The following CNOT2 variants were observed in gnomAD, a reference collection of about 807,000 sequenced individuals.
CNOT2 encodes CCR4-NOT transcription complex subunit 2, also known as CC chemokine receptor 4-negative regulator of transcription 2.
CNOT2 carries 7 observed loss-of-function variants against 72.1 expected under a neutral mutation model. The ratio of observed to expected loss-of-function variants is 0.10; its 90% CI spans 0.06 to 0.18. The LOEUF is 0.18. Ranked by LOEUF, CNOT2 falls within the 10% of genes least tolerant of loss-of-function variation. The pLI is 1.00. For synonymous variants in CNOT2, 196 were observed against 225.6 expected (o/e 0.87, Z 1.17); for missense variants, 345 against 660.3 (o/e 0.52, Z 5.23).
At chr12:70,352,948 G>A (rs1422303201) in intron 15 of CNOT2, among the ~76,000 whole-genome samples, 4 of 151,916 alleles carry the variant, frequency 2.6e-5, no homozygotes, top group African/African-American at 9.7e-5. Flanking sequence ...TCTAGTTTTC[G>A]GTGGCAGTTG....
chr12:70,352,216 AC>A (rs1161046794), intron 15 of CNOT2, among the ~76,000 whole-genome samples: 1 of 149,170 alleles, frequency 6.7e-6, no homozygotes. Context: ...GCTTTTTGTC[AC>A]ATGGGTCTGG....
intron 2 of CNOT2, among the ~76,000 whole-genome samples, chr12:70,296,695 T>G (rs1872851565): frequency 6.6e-6 from 1 of 151,944 alleles, no homozygotes; most frequent in Non-Finnish European, 1.5e-5. Context: ...ATTAATATCT[T>G]TGTTCTTTAA....
At chr12:70,306,999 GA>G (rs1430717234) in intron 2 of CNOT2, among the ~76,000 whole-genome samples, 2 of 152,138 alleles carry the variant, frequency 1.3e-5, no homozygotes, top group East Asian at 3.8e-4. Flanking sequence ...AGGGTACAGT[GA>G]AAATAAGATA....
chr12:70,337,201 T>C (rs1223972255), intron 8 of CNOT2, 188 bp from the exon 9 acceptor site: 1 of 474,120 alleles, frequency 2.1e-6, no homozygotes, highest in Non-Finnish European at 3.8e-6. Flanking sequence ...TATGTTGAGT[T>C]ATTAATCAGT....
At chr12:70,301,767 A>G (rs1417992390) in intron 2 of CNOT2, 10 of 152,110 alleles carry the variant, frequency 6.6e-5, no homozygotes, top group Non-Finnish European at 1.5e-4. Context: ...CTCTTTTTCT[A>G]TTTATTGGAA....
At chr12:70,309,240 T>TAATA (rs1289390068) in intron 2 of CNOT2, among the ~76,000 whole-genome samples, 1 of 152,292 alleles carries the variant, frequency 6.6e-6, no homozygotes, top group African/African-American at 2.4e-5. Flanking sequence ...ATTAAGTACC[T>TAATA]GTGTTCTAAT....
chr12:70,351,847 G>A (rs573462039), intron 15 of CNOT2, among the ~76,000 whole-genome samples: 82 of 152,280 alleles, frequency 5.4e-4, no homozygotes, highest in Non-Finnish European at 1.1e-3. Context: ...CTGGGAGAGG[G>A]GGAGTAGTGC....
At chr12:70,274,648 TAAAA>T (rs933020587) in intron 1 of CNOT2, among the ~76,000 whole-genome samples, 22 of 152,044 alleles carry the variant, frequency 1.4e-4, no homozygotes, top group African/African-American at 5.3e-4. Context: ...AAGAAAAAGT[TAAAA>T]AAGATTCATC....
At chr12:70,267,140 T>G (rs929972847) in intron 1 of CNOT2, among the ~76,000 whole-genome samples, 5 of 152,210 alleles carry the variant, frequency 3.3e-5, no homozygotes, top group African/African-American at 1.2e-4. Flanking sequence ...ATTTACTTAT[T>G]ATGTCAGTTT....
chr12:70,336,010 C>G (rs1173674251), intron 8 of CNOT2: 1 of 155,434 alleles, frequency 6.4e-6, no homozygotes, highest in Non-Finnish European at 1.4e-5. Context: ...ACATTTGGGC[C>G]AGGTAATTCT....
chr12:70,255,216 A>T (rs996033298), intron 1 of CNOT2, among the ~76,000 whole-genome samples: 3 of 152,076 alleles, frequency 2.0e-5, no homozygotes, highest in Admixed American at 2.0e-4. Context: ...ATATCATGAT[A>T]ATCTTTGGGG....
intron 1 of CNOT2, among the ~76,000 whole-genome samples, chr12:70,245,066 A>G (rs936604253): frequency 6.6e-6 from 1 of 152,218 alleles, no homozygotes; most frequent in Non-Finnish European, 1.5e-5. Flanking sequence ...AAATCTCACA[A>G]TTTTGTAAGG....
chr12:70,255,748 C>T (rs1958409330), intron 1 of CNOT2, among the ~76,000 whole-genome samples: 1 of 152,120 alleles, frequency 6.6e-6, no homozygotes, highest in South Asian at 2.1e-4. Context: ...AATTGGAGTA[C>T]AGCTACCCTA....
rs1245220436 is a variant in CNOT2 at position 70,313,467 on chromosome 12, T to C, written c.171+2450T>C. On this transcript the variant is annotated intron_variant, in intron 3 of 15. Coordinates refer to ENST00000229195, the MANE Select transcript of CNOT2 (RefSeq NM_014515.7). ...TTTCCCAATTACTTTCTTATAATAC[T>C]TTTATGTTTTGTTCTTCACATATAA... 2.0e-5 allele frequency among the ~76,000 whole-genome samples: 3 copies of C among 152,096 alleles called. No homozygotes were observed. The East Asian group carries it at 5.8e-4, about 29-fold the overall frequency.
Position 70,342,127 on chromosome 12 carries a change from C to T in CNOT2, c.1199C>T (p.Ala400Val). 1.9e-6 allele frequency: 3 copies of T among 1,602,730 alleles called. No homozygotes were observed. Among genetic ancestry groups the T allele is most frequent in the Non-Finnish European group, 1.7e-6 (2 of 1,169,818 alleles). Residue 400 changes from alanine to valine, a missense_variant, in exon 12 of 16, where the codon GCG becomes GTG. Physicochemically the swap from Ala to Val is moderately conservative, Grantham distance 64. Coordinates refer to ENST00000229195, the MANE Select transcript of CNOT2 (RefSeq NM_014515.7). The stretch of plus-strand genomic sequence containing the variant: ...TTCAGAAATCTCTACCCCAAATTTG[C>T]GTCACCCTGGGCATCTTCACCTTGT... ...NSPENLYPKFASPWASSPCRP... is the reference protein window; with the variant it reads ...NSPENLYPKFVSPWASSPCRP...
chr12:70,306,647 A>G (rs1875447736), intron 2 of CNOT2, among the ~76,000 whole-genome samples: 1 of 152,216 alleles, frequency 6.6e-6, no homozygotes, highest in Non-Finnish European at 1.5e-5. Context: ...AGTGTCAAGT[A>G]AAAAGGTGGT....
chr12:70,285,384 A>G (rs1593125132), intron 2 of CNOT2: 1 of 142,628 alleles, frequency 7.0e-6, no homozygotes, highest in African/African-American at 2.6e-5. Context: ...AATTTTTTGT[A>G]TTTTTTTTTT....
intron 2 of CNOT2, among the ~76,000 whole-genome samples, chr12:70,293,737 G>A (rs1319623447): frequency 1.3e-5 from 2 of 152,002 alleles, no homozygotes; most frequent in East Asian, 1.9e-4. Context: ...TGTTGATGGT[G>A]TTAATGTGTA....
chr12:70,307,175 G>A (rs1875568177), intron 2 of CNOT2, among the ~76,000 whole-genome samples: 1 of 152,118 alleles, frequency 6.6e-6, no homozygotes, highest in Non-Finnish European at 1.5e-5. Flanking sequence ...GTACACTTAG[G>A]CTACACTAAA....
Sources: allele counts gnomAD v4.1 joint callset (sites outside exome capture counted in the v4.1 genomes callset), GRCh38; gene constraint gnomAD v4.1.1; transcripts MANE v1.5; gene names NCBI Gene and HGNC (gene_info 2026-07-23, HGNC 2026-07-21).